The following OXR1 variants were observed in gnomAD, a reference collection of about 807,000 sequenced individuals.
OXR1 encodes oxidation resistance protein 1.
OXR1 carries 41 observed loss-of-function variants against 104.6 expected under a neutral mutation model. The observed-to-expected ratio is 0.39, with a 90% CI of 0.31 to 0.51. OXR1 has a LOEUF of 0.51. Ranked by LOEUF, OXR1 falls within the 20% of genes least tolerant of loss-of-function variation. OXR1 has a pLI of 0.77. For synonymous variants in OXR1, 348 were observed against 348.4 expected, an observed-to-expected ratio of 1.00 and a Z score of 0.01; for missense variants, 955 against 1,031.9, an observed-to-expected ratio of 0.93 and a Z score of 1.02.
intron 3 of OXR1, among the ~76,000 whole-genome samples, chr8:106,575,601 T>C (rs373582818): frequency 2.1e-4 from 32 of 151,530 alleles, no homozygotes; most frequent in East Asian, 7.7e-4. Flanking sequence ...ACAAAGTAAA[T>C]GAAGATATCT....
chr8:106,669,012 C>T (rs1356567146), intron 3 of OXR1, among the ~76,000 whole-genome samples: 2 of 152,124 alleles, frequency 1.3e-5, no homozygotes, highest in African/African-American at 2.4e-5. Context: ...TAGCAAGGCT[C>T]TATAGCTCTT....
chr8:106,419,116 G>T (rs1400784946), intron 2 of OXR1, among the ~76,000 whole-genome samples: 1 of 152,072 alleles, frequency 6.6e-6, no homozygotes, highest in Admixed American at 6.6e-5. Flanking sequence ...ACACACATTT[G>T]CATGTAATGT....
At chr8:106,572,032 G>A (rs975067161) in intron 3 of OXR1, among the ~76,000 whole-genome samples, 12 of 152,188 alleles carry the variant, frequency 7.9e-5, no homozygotes, top group African/African-American at 1.4e-4. Flanking sequence ...TGCTGCCCCT[G>A]TGGCTCTCTG....
rs1834786145 is a variant in OXR1 at position 106,740,050 on chromosome 8, T to C, written c.2164-293T>C. Among the ~76,000 whole-genome samples, 4 of 152,282 alleles carry C rather than the reference T, an allele frequency of 2.6e-5. No homozygotes were observed. The South Asian group carries it at 8.3e-4, about 32-fold the overall frequency. On this transcript the variant is annotated intron_variant, in intron 13 of 16. Transcript: ENST00000517566. ...GCTAATAGTCTATCAAGTATTTTTG[T>C]TAATTCAATATGGAAGGCAAAAGCA...
At chr8:106,332,016 G>T (rs1814736922) in intron 1 of OXR1, among the ~76,000 whole-genome samples, 1 of 151,312 alleles carries the variant, frequency 6.6e-6, no homozygotes, top group South Asian at 2.1e-4. Flanking sequence ...GTGTGTGTGT[G>T]TGTGTGTGTG....
intron 2 of OXR1, among the ~76,000 whole-genome samples, chr8:106,365,786 C>T (rs1228504556): frequency 6.6e-6 from 1 of 152,086 alleles, no homozygotes; most frequent in East Asian, 1.9e-4. Context: ...TTGTATCTCC[C>T]TCAAATTATT....
chr8:106,749,359 AT>A (rs1835685188), intron 16 of OXR1, among the ~76,000 whole-genome samples: 2 of 151,700 alleles, frequency 1.3e-5, no homozygotes, highest in Non-Finnish European at 2.9e-5. Flanking sequence ...AAAAAAAAAA[AT>A]AGGTCAGTTC....
chr8:106,399,753 G>A (rs976978639), intron 2 of OXR1, among the ~76,000 whole-genome samples: 1 of 152,060 alleles, frequency 6.6e-6, no homozygotes, highest in Middle Eastern at 3.2e-3. Flanking sequence ...TGAGAGGCAG[G>A]GCACAAAGAA....
rs1815117422 is a variant in OXR1 at position 106,339,508 on chromosome 8, AAAAAAAAAAAAATATATATATATAT to A, written c.-138-19966_-138-19942del. On this transcript the variant is annotated intron_variant, in intron 1 of 16. Coordinates refer to ENST00000517566, the MANE Select transcript of OXR1 (RefSeq NM_001198533.2). ...GACTCCATCCAAAAAAAAAAAAAAA[AAAAAAAAAAAAATATATATATATAT>A]ATATATATATATATATATATATAAA... 6.2e-5 allele frequency among the ~76,000 whole-genome samples: 3 copies of A among 48,132 alleles called. 1 individual carries two copies. The highest frequency in any genetic ancestry group is 2.9e-4 in the African/African-American group (2 of 6,844). 31.6% of individuals were successfully genotyped at this position (48,132 alleles called of 152,430 possible).
intron 16 of OXR1, among the ~76,000 whole-genome samples, chr8:106,746,124 C>T (rs951096968): frequency 2.0e-5 from 3 of 152,112 alleles, no homozygotes; most frequent in Admixed American, 6.5e-5. Flanking sequence ...CTTTAGAGCA[C>T]AGTGGCTCTT....
chr8:106,661,278 T>G (rs930448433), intron 3 of OXR1, among the ~76,000 whole-genome samples: 5 of 152,228 alleles, frequency 3.3e-5, no homozygotes, highest in African/African-American at 1.2e-4. Context: ...CTCTCCTTCC[T>G]TTACTCCTCT....
intron 2 of OXR1, among the ~76,000 whole-genome samples, chr8:106,468,264 G>A (rs28535652): frequency 0.25 from 37,580 of 151,662 alleles, 6,548 homozygotes; most frequent in African/African-American, 0.48. Context: ...ACAGTAAATA[G>A]GATCAGAAAG....
chr8:106,669,757 A>G (rs1161530945), intron 3 of OXR1, among the ~76,000 whole-genome samples: 1 of 152,182 alleles, frequency 6.6e-6, no homozygotes, highest in Non-Finnish European at 1.5e-5. Context: ...ACGTTCATTG[A>G]TGATTTCCAG....
At chr8:106,477,298 C>T (rs2510819) in intron 2 of OXR1, among the ~76,000 whole-genome samples, 2 of 151,770 alleles carry the variant, frequency 1.3e-5, no homozygotes, top group African/African-American at 4.8e-5. Context: ...CACACAGAGA[C>T]GATTACCATC....
intron 3 of OXR1, among the ~76,000 whole-genome samples, chr8:106,596,547 C>G (rs1288868036): frequency 6.6e-6 from 1 of 152,004 alleles, no homozygotes; most frequent in Non-Finnish European, 1.5e-5. Context: ...CAAATGAGTG[C>G]AATGGAAGAA....
chr8:106,312,257 G>C (rs1163630782), intron 1 of OXR1, among the ~76,000 whole-genome samples: 1 of 152,182 alleles, frequency 6.6e-6, no homozygotes, highest in Non-Finnish European at 1.5e-5. Context: ...AGTACATTAA[G>C]ATAAACAGCC....
intron 1 of OXR1, among the ~76,000 whole-genome samples, chr8:106,352,593 C>A (rs1815775896): frequency 1.3e-5 from 2 of 152,098 alleles, no homozygotes; most frequent in African/African-American, 4.8e-5. Flanking sequence ...ATGAGATTGG[C>A]TGATGAATTA....
intron 3 of OXR1, among the ~76,000 whole-genome samples, chr8:106,649,712 C>T (rs13255285): frequency 6.6e-6 from 1 of 150,854 alleles, no homozygotes; most frequent in African/African-American, 2.4e-5. Context: ...TATATATATA[C>T]TTGAGATGGA....
At position 106,285,061 on chromosome 8, in the gene OXR1, G is replaced by T. The variant is rs1168101032; in HGVS notation, c.-139+14694G>T. Among the ~76,000 whole-genome samples the T allele has an allele frequency of 2.6e-5, 4 of 152,074 alleles. No homozygotes were observed. In the East Asian group the frequency reaches 7.7e-4, roughly 29 times the overall value. On this transcript the variant is annotated intron_variant, in intron 1 of 16. Coordinates refer to ENST00000517566, the MANE Select transcript of OXR1 (RefSeq NM_001198533.2). ...TATACATGTGCCATGTTGGTGTGCT[G>T]CACCCATTAACTCGTCATTTACATT...
Sources: allele counts gnomAD v4.1 joint callset (sites outside exome capture counted in the v4.1 genomes callset), GRCh38; gene constraint gnomAD v4.1.1; transcripts MANE v1.5; gene names NCBI Gene and HGNC (gene_info 2026-07-23, HGNC 2026-07-21).